L3MBTL4: variants seen among roughly 807,000 people sequenced by gnomAD.
L3MBTL4 encodes lethal(3)malignant brain tumor-like protein 4.
L3MBTL4 carries 70 observed loss-of-function variants against 84.5 expected under a neutral mutation model. The observed-to-expected ratio is 0.83, with a 90% CI of 0.68 to 1.01. The LOEUF is 1.01. Among genes scored for constraint, L3MBTL4 ranks in the 50% least tolerant of loss-of-function variants. The pLI, the probability that L3MBTL4 is intolerant of heterozygous loss-of-function variation, is 0.00. For synonymous variants in L3MBTL4, 274 were observed against 259.8 expected (o/e 1.05, Z -0.52); for missense variants, 715 against 754.8 (o/e 0.95, Z 0.62).
intron 14 of L3MBTL4, among the ~76,000 whole-genome samples, chr18:6,114,095 G>C (rs1329866744): frequency 2.0e-5 from 3 of 152,128 alleles, no homozygotes; most frequent in Non-Finnish European, 4.4e-5. Flanking sequence ...CACACACACA[G>C]ACATCTACAT....
At chr18:6,090,192 G>C (rs1391584718) in intron 15 of L3MBTL4, among the ~76,000 whole-genome samples, 1 of 152,092 alleles carries the variant, frequency 6.6e-6, no homozygotes, top group Admixed American at 6.5e-5. Flanking sequence ...CTGTGATATT[G>C]TGAGTATGAC....
chr18:6,172,056 A>G, intron 12 of L3MBTL4, 114 bp from the exon 13 acceptor site: 2 of 544,484 alleles, frequency 3.7e-6, no homozygotes, highest in Non-Finnish European at 3.3e-6. Flanking sequence ...TATTGATCAC[A>G]CCTTGCAGTT....
chr18:6,331,031 A>C (rs778675024), intron 1 of L3MBTL4, among the ~76,000 whole-genome samples: 8 of 152,194 alleles, frequency 5.3e-5, no homozygotes, highest in Non-Finnish European at 1.0e-4. Context: ...AATACAGCAA[A>C]ATTATTTATA....
At chr18:6,021,764 G>A (rs904489379) in intron 16 of L3MBTL4, among the ~76,000 whole-genome samples, 2 of 152,096 alleles carry the variant, frequency 1.3e-5, no homozygotes, top group African/African-American at 2.4e-5. Context: ...CTGGTGCAGC[G>A]GGGTGGGGGG....
rs1312967636 is a variant in L3MBTL4, at chr18:6,213,156, C to T, written c.974G>A (p.Arg325Lys). The T allele has an allele frequency of 1.9e-6, 3 of 1,564,292 alleles. No homozygotes were observed. The highest frequency in any genetic ancestry group is 2.6e-6 in the Non-Finnish European group (3 of 1,147,804). The part of the protein sequence containing the change: ...VATIVDVDDQ[R>K]VKVHFDGWDH... ...ATAATTTAAAATATGTACCTTTACT[C>T]TTTGGTCATCAACATCTACAATCGT... The change falls in exon 12 of 19, where the codon AGA becomes AAA. Residue 325 changes from arginine (R) to lysine (K), a missense_variant. By Grantham distance (26) the Arg-to-Lys change is conservative (BLOSUM62 2). Transcript: ENST00000317931.
At chr18:6,145,328 C>A (rs1360752117) in intron 13 of L3MBTL4, among the ~76,000 whole-genome samples, 1 of 152,026 alleles carries the variant, frequency 6.6e-6, no homozygotes, top group Non-Finnish European at 1.5e-5. Flanking sequence ...TGAGAACATC[C>A]TCCTCCTTCT....
At chr18:6,160,404 C>T (rs896327887) in intron 13 of L3MBTL4, among the ~76,000 whole-genome samples, 3 of 152,074 alleles carry the variant, frequency 2.0e-5, no homozygotes, top group African/African-American at 7.2e-5. Context: ...ATCTCACAGG[C>T]CTGCAGATTC....
chr18:6,174,853 C>T (rs939760820), intron 12 of L3MBTL4, among the ~76,000 whole-genome samples: 5 of 133,540 alleles, frequency 3.7e-5, no homozygotes, highest in Non-Finnish European at 6.2e-5. Context: ...GGTGACAGAG[C>T]GAAACTCTGT....
At chr18:6,020,800 G>A (rs987004562) in intron 16 of L3MBTL4, among the ~76,000 whole-genome samples, 9 of 152,152 alleles carry the variant, frequency 5.9e-5, no homozygotes, top group Non-Finnish European at 1.2e-4. Context: ...TTGGAAGATA[G>A]GATAATAAAT....
rs1396184623 is a variant in L3MBTL4 at position 6,116,377 on chromosome 18, T to G, written c.1199+21817A>C. ...GTTGCTGGTTTTTTTTTTTTTTTTTTTGAGATGGAGTCTTACTCTGTAGCT... is the reference window on the plus strand; with the variant it reads ...GTTGCTGGTTTTTTTTTTTTTTTTTGTGAGATGGAGTCTTACTCTGTAGCT... On this transcript the variant is annotated intron_variant, in intron 14 of 18. Coordinates refer to ENST00000317931, the MANE Select transcript of L3MBTL4 (RefSeq NM_001330559.2). 6.8e-5 allele frequency among the ~76,000 whole-genome samples: 9 copies of G among 133,196 alleles called. No homozygotes were observed. In the East Asian group the frequency reaches 2.0e-3, roughly 30 times the overall value. 87.4% of individuals were successfully genotyped at this position (133,196 alleles called of 152,430 possible).
intron 16 of L3MBTL4, among the ~76,000 whole-genome samples, chr18:6,074,125 T>G (rs1432085237): frequency 6.6e-6 from 1 of 152,240 alleles, no homozygotes; most frequent in Non-Finnish European, 1.5e-5. Flanking sequence ...GACATCTTCA[T>G]GCTGTTCGTC....
At chr18:5,979,309 T>C (rs900777077) in intron 16 of L3MBTL4, among the ~76,000 whole-genome samples, 1 of 151,986 alleles carries the variant, frequency 6.6e-6, no homozygotes, top group Non-Finnish European at 1.5e-5. Flanking sequence ...CCAGTGTGTC[T>C]CCAAGGTTCC....
chr18:6,291,325 T>C (rs2576280), intron 4 of L3MBTL4, among the ~76,000 whole-genome samples: 183 of 152,256 alleles, frequency 1.2e-3, no homozygotes, highest in African/African-American at 4.1e-3. Context: ...CTGATCCCTT[T>C]AGTAGAGTTG....
chr18:6,379,163 A>G (rs1217352479), intron 1 of L3MBTL4, among the ~76,000 whole-genome samples: 2 of 152,092 alleles, frequency 1.3e-5, no homozygotes, highest in Non-Finnish European at 2.9e-5. Flanking sequence ...TTGCACATTG[A>G]TTTTTTATCC....
At chr18:6,343,467 T>C (rs1384505569) in intron 1 of L3MBTL4, among the ~76,000 whole-genome samples, 1 of 151,836 alleles carries the variant, frequency 6.6e-6, no homozygotes, top group Non-Finnish European at 1.5e-5. Context: ...ATTGAGACCA[T>C]CCTGACTAAC....
chr18:5,989,380 A>C (rs2053591045), intron 16 of L3MBTL4, among the ~76,000 whole-genome samples: 1 of 150,002 alleles, frequency 6.7e-6, no homozygotes, highest in Admixed American at 6.6e-5. Flanking sequence ...ATGCAGCATG[A>C]GCAGTATGTG....
intron 4 of L3MBTL4, among the ~76,000 whole-genome samples, chr18:6,280,003 T>C (rs1295085954): frequency 1.3e-5 from 2 of 152,200 alleles, no homozygotes; most frequent in Non-Finnish European, 2.9e-5. Flanking sequence ...TAAAATATTA[T>C]TCAAGATTAT....
intron 16 of L3MBTL4, among the ~76,000 whole-genome samples, chr18:6,033,322 GC>G (rs2055933800): frequency 6.6e-6 from 1 of 151,886 alleles, no homozygotes; most frequent in African/African-American, 2.4e-5. Flanking sequence ...TGCATGAAAT[GC>G]CTTTTCCATC....
At chr18:6,061,282 C>T (rs2057210754) in intron 16 of L3MBTL4, among the ~76,000 whole-genome samples, 1 of 152,024 alleles carries the variant, frequency 6.6e-6, no homozygotes, top group Non-Finnish European at 1.5e-5. Context: ...GCTTATTTAT[C>T]ATTTGTGTCT....
Sources: gnomAD v4.1 joint callset for allele counts (sites outside exome capture counted in the v4.1 genomes callset) on GRCh38, gnomAD v4.1.1 for gene constraint, MANE v1.5 for transcripts, NCBI Gene and HGNC (gene_info 2026-07-23, HGNC 2026-07-21) for gene names.